The following CMTR1 variants were observed in gnomAD, a reference collection of about 807,000 sequenced individuals.
CMTR1 encodes the protein cap methyltransferase 1.
In CMTR1, 39 loss-of-function variants were observed where a neutral mutation model predicts 107.0. The observed-to-expected ratio is 0.36, with a 90% CI of 0.28 to 0.48. The LOEUF is 0.48. Ranked by LOEUF, CMTR1 falls within the 20% of genes least tolerant of loss-of-function variation. The pLI is 0.99. For synonymous variants in CMTR1, 366 were observed against 379.5 expected (o/e 0.96, Z 0.41); for missense variants, 672 against 1,064.9 (o/e 0.63, Z 5.14).
chr6:37,452,662 T>C (rs1761205434), intron 6 of CMTR1, among the ~76,000 whole-genome samples: 1 of 152,178 alleles, frequency 6.6e-6, no homozygotes, highest in South Asian at 2.1e-4. Flanking sequence ...GTTTCTCCTC[T>C]CTCTAAGTGA....
At chr6:37,453,722 A>G (rs968410303) in intron 8 of CMTR1, among the ~76,000 whole-genome samples, 2 of 152,178 alleles carry the variant, frequency 1.3e-5, no homozygotes, top group African/African-American at 4.8e-5. Flanking sequence ...TCAGTGTTGT[A>G]TCTGAAAATC....
chr6:37,424,448 C>T, the CMTR1 span, among the ~76,000 whole-genome samples: 4 of 151,834 alleles, frequency 2.6e-5, no homozygotes, highest in African/African-American at 4.8e-5. Flanking sequence ...CGGGTTTCGC[C>T]GTGTTAGCCA....
chr6:37,467,825 C>A (rs1033534415), intron 13 of CMTR1, among the ~76,000 whole-genome samples: 1 of 150,508 alleles, frequency 6.6e-6, no homozygotes, highest in South Asian at 2.1e-4. Flanking sequence ...GTCCTTCTAC[C>A]TTTGTCTTTA....
chr6:37,464,714 C>A (rs1038872323), intron 13 of CMTR1, among the ~76,000 whole-genome samples: 4 of 152,052 alleles, frequency 2.6e-5, no homozygotes, highest in East Asian at 1.9e-4. Flanking sequence ...TTGTCAATGG[C>A]CACTTGAGAT....
At chr6:37,443,131 AC>A in intron 2 of CMTR1, among the ~76,000 whole-genome samples, 1 of 152,210 alleles carries the variant, frequency 6.6e-6, no homozygotes. Flanking sequence ...CCAAATGCTA[AC>A]CCCTGAATGT....
At chr6:37,477,735 C>CGGGGGGGGGGGGG in intron 21 of CMTR1, 96 bp downstream of exon 21, 1 of 373,518 alleles carries the variant, frequency 2.7e-6, no homozygotes, top group South Asian at 4.6e-5. Flanking sequence ...GGGTCGGGGG[C>CGGGGGGGGGGGGG]GGGGGGTGGT....
In CMTR1 at chr6:37,458,439, C is replaced by T. The variant is rs566168206; in HGVS notation, c.778-173C>T. The stretch of plus-strand genomic sequence containing the variant: ...GGTATTTTGAGGGTGGGTGAGGCAA[C>T]ACTAAAGGGTGTTAATCACCAGAAG... On this transcript the variant is annotated intron_variant, in intron 8 of 23. Transcript: ENST00000373451. The surrounding 1 kb of genome is among the most constrained non-coding windows in gnomAD (Gnocchi z 4.7). Among the ~76,000 whole-genome samples the T allele has an allele frequency of 1.3e-5, 2 of 152,190 alleles. No individual in the cohort carries two copies. Among genetic ancestry groups the T allele is most frequent in the Admixed American group, 6.5e-5 (1 of 15,278 alleles).
chr6:37,437,569 C>T (rs916552396), intron 2 of CMTR1, among the ~76,000 whole-genome samples: 1 of 149,924 alleles, frequency 6.7e-6, no homozygotes, highest in African/African-American at 2.5e-5. Context: ...TTATGTGTGG[C>T]CCAAGACAAT....
chr6:37,453,062 T>C lies in CMTR1; in HGVS notation c.625T>C (p.Leu209=). ...VLQCKSVFDV[L]DGEEMRRART... is the part of the protein sequence containing the mutation. ...CTCTGGGCAGAGCGTGTTTGATGTC[T>C]TGGATGGGGAAGAGATGCGGCGAGC... Residue 209 remains leucine, a synonymous_variant, in exon 7 of 24, where the codon TTG becomes CTG. Transcript: ENST00000373451. The C allele has an allele frequency of 6.2e-7, 1 of 1,614,078 alleles. No individual in the cohort carries two copies. Among genetic ancestry groups the C allele is most frequent in the Non-Finnish European group, 8.5e-7 (1 of 1,180,010 alleles).
chr6:37,480,675 G>A lies in CMTR1; in HGVS notation c.*530G>A. ...TTCTTTGAACTTACTCTGTTTTGAT[G>A]CCAAATTGGAGACCATTTTCTTGTC... On this transcript the variant is annotated 3_prime_UTR_variant, in exon 24 of 24. Coordinates refer to ENST00000373451, the MANE Select transcript of CMTR1 (RefSeq NM_015050.3). The A allele has an allele frequency of 9.8e-7, 1 of 1,021,876 alleles. No individual in the cohort carries two copies. Among genetic ancestry groups the A allele is most frequent in the Non-Finnish European group, 1.2e-6 (1 of 853,944 alleles). 63.3% of individuals were successfully genotyped at this position (1,021,876 alleles called of 1,614,324 possible). A position where few individuals can be genotyped will look rare whatever the true frequency, so the allele number is the denominator to read the frequency against.
intron 20 of CMTR1, 41 bp from the exon 21 acceptor site, chr6:37,477,551 C>T (rs781663246): frequency 4.4e-6 from 7 of 1,578,042 alleles, no homozygotes. Context: ...GAGAATGTCC[C>T]CCAGGAAGCC....
In CMTR1 at chr6:37,435,697, T is replaced by C. The variant is rs778959691; in HGVS notation, c.68T>C (p.Leu23Pro). ...AAACAGAAAAAAAGAGTTGCAGAGCTTGCCCTGAGCCTCAGCTCCACGTCC... is the reference window on the plus strand; with the variant it reads ...AAACAGAAAAAAAGAGTTGCAGAGCCTGCCCTGAGCCTCAGCTCCACGTCC... ...IKKQKKRVAE[L>P]ALSLSSTSDD... The change falls in exon 2 of 24, where the codon CTT becomes CCT. Residue 23 changes from leucine to proline, a missense_variant. Physicochemically the swap from Leu to Pro is moderately conservative, Grantham distance 98. Around this residue, in one of 2 missense-constraint regions of CMTR1, gnomAD observed 89 missense variants for 96.6 expected, o/e 0.92. Transcript: ENST00000373451. The C allele has an allele frequency of 1.1e-5, 18 of 1,603,910 alleles. No individual in the cohort carries two copies.
At chr6:37,433,668 A>C (rs890745570) in intron 1 of CMTR1, among the ~76,000 whole-genome samples, 3 of 152,218 alleles carry the variant, frequency 2.0e-5, no homozygotes, top group African/African-American at 7.2e-5. Flanking sequence ...TAGGGGTGGC[A>C]GTGCCAAACC....
intron 10 of CMTR1, 123 bp from the exon 11 acceptor site, chr6:37,461,426 T>C: frequency 1.8e-6 from 1 of 570,170 alleles, no homozygotes; most frequent in Non-Finnish European, 3.1e-6. Context: ...AGCTGCTTCT[T>C]CATCAATCAG....
Position 37,467,950 on chromosome 6 carries a change from G to A in CMTR1, c.1506-3071G>A, listed in dbSNP as rs140404066. 8.2e-4 allele frequency among the ~76,000 whole-genome samples: 124 copies of A among 151,374 alleles called. 1 individual carries two copies. In the East Asian group the frequency reaches 0.022, roughly 27 times the overall value. ...GGGGTGATTGGTGCATTTACATTGA[G>A]TGTAATTATTAATGTTTAGCTTTAA... On this transcript the variant is annotated intron_variant, in intron 13 of 23. Transcript: ENST00000373451.
chr6:37,457,973 G>T (rs1212200684), intron 8 of CMTR1, among the ~76,000 whole-genome samples: 1 of 152,142 alleles, frequency 6.6e-6, no homozygotes, highest in Non-Finnish European at 1.5e-5. Flanking sequence ...GGCATATTCT[G>T]TTCAGTAGGA....
intron 3 of CMTR1, 57 bp downstream of exon 3, chr6:37,444,207 C>T: frequency 1.9e-6 from 3 of 1,571,416 alleles, no homozygotes; most frequent in Admixed American, 1.9e-5. Flanking sequence ...GAAAGAAGGG[C>T]AATTTGTATT....
In CMTR1 at chr6:37,435,616, G is replaced by C. The variant is rs751678809; in HGVS notation, c.-6-8G>C. 7.5e-6 allele frequency: 12 copies of C among 1,590,020 alleles called. No individual in the cohort carries two copies. Among genetic ancestry groups the C allele is most frequent in the Non-Finnish European group, 9.4e-6 (11 of 1,170,376 alleles). On this transcript the variant is annotated splice_polypyrimidine_tract_variant and splice_region_variant and intron_variant, in intron 1 of 23. Transcript: ENST00000373451. Reference sequence around the variant, plus strand: ...AGGGCAGCTGACTGACTGGATTTATGGTTACAGTTAACGATGAAGAGGAGA... The same window carrying C: ...AGGGCAGCTGACTGACTGGATTTATCGTTACAGTTAACGATGAAGAGGAGA...
intron 4 of CMTR1, among the ~76,000 whole-genome samples, chr6:37,449,789 T>C (rs1771892849): frequency 6.6e-6 from 1 of 152,244 alleles, no homozygotes. Context: ...AGTAACACTT[T>C]GAAAGGAATC....
Sources: gnomAD v4.1 joint callset for allele counts (sites outside exome capture counted in the v4.1 genomes callset) on GRCh38, gnomAD v4.1.1 for gene constraint, gnomAD v4.1.1 regional missense constraint, Gnocchi (gnomAD v3.1) non-coding constraint, MANE v1.5 for transcripts, NCBI Gene and HGNC (gene_info 2026-07-23, HGNC 2026-07-21) for gene names.